Variants in RAD51B observed in about 807,000 individuals in gnomAD.
RAD51B encodes DNA repair protein RAD51 homolog 2.
A neutral mutation model predicts 42.2 loss-of-function variants in RAD51B; 38 were observed. The ratio of observed to expected loss-of-function variants is 0.90; its 90% CI spans 0.70 to 1.18. The LOEUF is 1.18. Among genes scored for constraint, RAD51B ranks in the 50% most tolerant of loss-of-function variants. The pLI is 0.00. For synonymous variants in RAD51B, 154 were observed against 145.2 expected (o/e 1.06, Z -0.43); for missense variants, 373 against 400.7 (o/e 0.93, Z 0.59).
At chr14:68,357,953 T>C (rs2082942710) in intron 8 of RAD51B, among the ~76,000 whole-genome samples, 1 of 152,198 alleles carries the variant, frequency 6.6e-6, no homozygotes, top group South Asian at 2.1e-4. Flanking sequence ...GAGGCCATTG[T>C]AGGGTTAATT....
chr14:68,269,055 G>C (rs901576167), intron 7 of RAD51B, among the ~76,000 whole-genome samples: 3 of 152,182 alleles, frequency 2.0e-5, no homozygotes, highest in African/African-American at 7.2e-5. Flanking sequence ...CTGTCTCTCT[G>C]CTTCTCCCAA....
intron 5 of RAD51B, among the ~76,000 whole-genome samples, chr14:67,873,058 G>A (rs1319138727): frequency 6.6e-6 from 1 of 152,148 alleles, no homozygotes; most frequent in East Asian, 1.9e-4. Flanking sequence ...AACACTTAAA[G>A]CAATGGCAAC....
chr14:68,408,609 T>A (rs2084340860), intron 8 of RAD51B, among the ~76,000 whole-genome samples: 1 of 152,200 alleles, frequency 6.6e-6, no homozygotes, highest in Non-Finnish European at 1.5e-5. Flanking sequence ...TTTGTGTGTT[T>A]TTAAAAGTGT....
intron 7 of RAD51B, among the ~76,000 whole-genome samples, chr14:68,261,409 G>A (rs560442465): frequency 1.3e-5 from 2 of 152,314 alleles, no homozygotes; most frequent in East Asian, 1.9e-4. Flanking sequence ...AGAAGTGTGC[G>A]AAAAGACTGT....
chr14:67,968,110 G>A (rs184071396), intron 7 of RAD51B, among the ~76,000 whole-genome samples: 84 of 152,326 alleles, frequency 5.5e-4, no homozygotes, highest in African/African-American at 1.8e-3. Context: ...ACTATGCGCT[G>A]AGCTGTACCT....
rs552639015 is a variant in RAD51B, at chr14:67,931,251, A to T, written c.756+44047A>T. 8.5e-5 allele frequency among the ~76,000 whole-genome samples: 13 copies of T among 152,140 alleles called. No homozygotes were observed. The South Asian group carries it at 2.7e-3, about 31-fold the overall frequency. ...GGGTTATTTCAAAAGGCCCATCTTC[A>T]GGTTCTGAGACTCTTTCTTTTGCTT... On this transcript the variant is annotated intron_variant, in intron 7 of 10. Transcript: ENST00000471583.
chr14:68,039,843 T>C (rs1236497505), intron 7 of RAD51B, among the ~76,000 whole-genome samples: 1 of 152,246 alleles, frequency 6.6e-6, no homozygotes, highest in Non-Finnish European at 1.5e-5. Flanking sequence ...AGCTGTAAAG[T>C]GTTTAGTTAT....
chr14:67,878,054 A>G (rs931670946), intron 5 of RAD51B, among the ~76,000 whole-genome samples: 1 of 152,188 alleles, frequency 6.6e-6, no homozygotes, highest in African/African-American at 2.4e-5. Context: ...TTATCAAGAT[A>G]TTGTCTTACA....
chr14:68,352,585 T>C (rs928521596), intron 8 of RAD51B, among the ~76,000 whole-genome samples: 1 of 152,250 alleles, frequency 6.6e-6, no homozygotes, highest in Non-Finnish European at 1.5e-5. Flanking sequence ...TTATGTTCAA[T>C]AGGACCTTGA....
chr14:68,261,096 G>T (rs974285551), intron 7 of RAD51B, among the ~76,000 whole-genome samples: 1 of 152,164 alleles, frequency 6.6e-6, no homozygotes, highest in Non-Finnish European at 1.5e-5. Context: ...TAGGGCAATT[G>T]GTCACGAAGA....
intron 7 of RAD51B, among the ~76,000 whole-genome samples, chr14:68,120,402 G>T (rs1349504017): frequency 6.6e-6 from 1 of 152,106 alleles, no homozygotes; most frequent in Non-Finnish European, 1.5e-5. Context: ...CCATATAAGT[G>T]GTTTAAGTTT....
In RAD51B at chr14:68,573,096, C is replaced by T. The variant is rs113272464; in HGVS notation, c.1037-21389C>T. 3.3e-3 allele frequency among the ~76,000 whole-genome samples: 498 copies of T among 152,292 alleles called. 7 individuals are homozygous for T. The highest frequency in any genetic ancestry group is 0.011 in the African/African-American group (471 of 41,548). On this transcript the variant is annotated intron_variant, in intron 10 of 10. Coordinates refer to the RAD51B transcript ENST00000487270. Reference sequence around the variant, plus strand: ...CACCTCATACTACTCTATCTTATTTCCAGTCAACTCCCAGCAGCCAGGGTG... The same window carrying T: ...CACCTCATACTACTCTATCTTATTTTCAGTCAACTCCCAGCAGCCAGGGTG...
chr14:68,606,268 T>G (rs1891442302), intron 10 of RAD51B, among the ~76,000 whole-genome samples: 1 of 152,112 alleles, frequency 6.6e-6, no homozygotes, highest in Non-Finnish European at 1.5e-5. Flanking sequence ...GAATACCCAT[T>G]AGGAAGAGCC....
At chr14:67,887,348 A>G (rs2043093163) in intron 7 of RAD51B, 144 bp downstream of exon 7, 3 of 577,926 alleles carry the variant, frequency 5.2e-6, no homozygotes, top group East Asian at 3.0e-5. Flanking sequence ...TCTAATTGCT[A>G]TAGCAAACAT....
At chr14:67,909,209 A>G (rs1174095329) in intron 7 of RAD51B, among the ~76,000 whole-genome samples, 2 of 152,216 alleles carry the variant, frequency 1.3e-5, no homozygotes, top group Non-Finnish European at 2.9e-5. Context: ...CAGAGAATAG[A>G]TTGGAGGAGA....
chr14:68,538,743 A>G (rs1226834833), intron 10 of RAD51B, among the ~76,000 whole-genome samples: 1 of 152,244 alleles, frequency 6.6e-6, no homozygotes, highest in African/African-American at 2.4e-5. Context: ...ACAGAAAATC[A>G]TGGGCCTTCC....
At chr14:68,026,458 C>T (rs2075957995) in intron 7 of RAD51B, among the ~76,000 whole-genome samples, 1 of 151,724 alleles carries the variant, frequency 6.6e-6, no homozygotes, top group Non-Finnish European at 1.5e-5. Flanking sequence ...TGAAGTCCCC[C>T]TCTATTTTTG....
At chr14:68,116,458 T>C (rs1014445371) in intron 7 of RAD51B, among the ~76,000 whole-genome samples, 5 of 151,878 alleles carry the variant, frequency 3.3e-5, no homozygotes, top group African/African-American at 1.2e-4. Context: ...ATGTATAAAA[T>C]CAGAGTAATA....
At chr14:68,455,294 A>G (rs1302337898) in intron 9 of RAD51B, among the ~76,000 whole-genome samples, 1 of 152,248 alleles carries the variant, frequency 6.6e-6, no homozygotes, top group Non-Finnish European at 1.5e-5. Flanking sequence ...TTCAAAACTG[A>G]AGGAGAAATT....
Sources: gnomAD v4.1 joint callset for allele counts (sites outside exome capture counted in the v4.1 genomes callset) on GRCh38, gnomAD v4.1.1 for gene constraint, MANE v1.5 for transcripts, NCBI Gene and HGNC (gene_info 2026-07-23, HGNC 2026-07-21) for gene names.